PSMA4: variants seen among roughly 807,000 people sequenced by gnomAD.
PSMA4 encodes proteasome subunit alpha type-4.
Under a neutral mutation model 37.2 loss-of-function variants are expected in PSMA4, and 8 were observed. The observed-to-expected ratio is 0.22, with a 90% CI of 0.13 to 0.39. The LOEUF (loss-of-function observed/expected upper bound fraction) is 0.39, where lower values mean the gene tolerates loss of function less well. Among genes scored for constraint, PSMA4 ranks in the 10% least tolerant of loss-of-function variants. PSMA4 has a pLI of 1.00. For synonymous variants in PSMA4, 93 were observed against 98.8 expected (o/e 0.94, Z 0.35); for missense variants, 169 against 305.1 (o/e 0.55, Z 3.32).
intron 7 of PSMA4, 99 bp downstream of exon 7, chr15:78,545,863 C>T: frequency 7.8e-7 from 1 of 1,276,122 alleles, no homozygotes; most frequent in Non-Finnish European, 1.1e-6. Flanking sequence ...AAGATAGCTG[C>T]AACAACCTTA....
rs529544805 is a variant in PSMA4, at chr15:78,551,713, C to T, written c.*2769C>T. On this transcript the variant is annotated 3_prime_UTR_variant, in exon 9 of 9. Coordinates refer to ENST00000044462, the MANE Select transcript of PSMA4 (RefSeq NM_002789.6). Reference sequence around the variant, plus strand: ...GCACGTGTTAGGCAACAAATAAGTACTGATGAATGAATAAATACCCTGGAT... The same window carrying T: ...GCACGTGTTAGGCAACAAATAAGTATTGATGAATGAATAAATACCCTGGAT... The T allele has an allele frequency of 6.6e-6, 1 of 152,168 alleles. No individual in the cohort carries two copies. The highest frequency in any genetic ancestry group is 1.5e-5 in the Non-Finnish European group (1 of 68,026). 9.4% of individuals were successfully genotyped at this position (152,168 alleles called of 1,614,324 possible).
At chr15:78,546,536 G>C in intron 7 of PSMA4, 39 bp from the exon 8 acceptor site, 1 of 1,534,022 alleles carries the variant, frequency 6.5e-7, no homozygotes. Flanking sequence ...TCTAAAAAAT[G>C]TAAAAACTTA....
At chr15:78,543,475 T>G (rs1479654851) in intron 4 of PSMA4, among the ~76,000 whole-genome samples, 1 of 152,066 alleles carries the variant, frequency 6.6e-6, no homozygotes, top group Non-Finnish European at 1.5e-5. Context: ...TAAGCAGGCT[T>G]GTAAACCCTC....
rs548596539 is a variant in PSMA4 at position 78,542,013 on chromosome 15, T to C, written c.3+83T>C. ...AGTTTACAGACTTGAGTGGGAAAAT[T>C]GAAATAGAAGGAAAGCAGTGAGAAG... On this transcript the variant is annotated intron_variant, in intron 2 of 8. Coordinates refer to ENST00000044462, the MANE Select transcript of PSMA4 (RefSeq NM_002789.6). 34 of 1,523,564 alleles carry C rather than the reference T, an allele frequency of 2.2e-5. 1 individual carries two copies. The highest frequency in any genetic ancestry group is 1.8e-4 in the South Asian group (15 of 85,072). 94.4% of individuals were successfully genotyped at this position (1,523,564 alleles called of 1,614,324 possible).
chr15:78,551,325 C>T lies in PSMA4; in HGVS notation c.*2381C>T, dbSNP rs1271735423. 1 of 152,202 alleles carries T rather than the reference C, an allele frequency of 6.6e-6. No individual in the cohort carries two copies. Among genetic ancestry groups the T allele is most frequent in the African/African-American group, 2.4e-5 (1 of 41,416 alleles). 9.4% of individuals were successfully genotyped at this position (152,202 alleles called of 1,614,324 possible). A position where few individuals can be genotyped will look rare whatever the true frequency, so the allele number is the denominator to read the frequency against. Reference sequence around the variant, plus strand: ...TGTGCTACCTTCCATGTGCTTCCTTCCTCACTCATTCATCCAAATGAGCCT... The same window carrying T: ...TGTGCTACCTTCCATGTGCTTCCTTTCTCACTCATTCATCCAAATGAGCCT... On this transcript the variant is annotated 3_prime_UTR_variant, in exon 9 of 9. Transcript: ENST00000044462.
At chr15:78,548,722 T>C in intron 8 of PSMA4, 68 bp from the exon 9 acceptor site, 1 of 1,547,714 alleles carries the variant, frequency 6.5e-7, no homozygotes, top group Non-Finnish European at 8.7e-7. Context: ...CATGAGTGCC[T>C]ATTAAGCTTC....
In PSMA4 at chr15:78,546,639, C is replaced by T. The variant is rs765523469; in HGVS notation, c.572C>T (p.Ala191Val). 6 of 1,604,568 alleles carry T rather than the reference C, an allele frequency of 3.7e-6. No individual in the cohort carries two copies. In the South Asian group the frequency reaches 5.7e-5, roughly 15 times the overall value. Residue 191 changes from alanine to valine, a missense_variant, in exon 8 of 9, where the codon GCT (alanine) becomes GTT (valine). Physicochemically the swap from Ala to Val is moderately conservative, Grantham distance 64. This residue lies in a region of PSMA4 where 90 missense variants were observed against 92.7 expected (regional missense o/e 0.97). Coordinates refer to ENST00000044462, the MANE Select transcript of PSMA4 (RefSeq NM_002789.6). ...EGEMTLKSAL[A>V]LAIKVLNKTM... The stretch of plus-strand genomic sequence containing the variant: ...GAAATGACCTTGAAGTCAGCACTTG[C>T]TTTAGCTATCAAAGTACTAAATAAG...
At position 78,551,436 on chromosome 15, in the gene PSMA4, T is replaced by C. The variant is rs183866032; in HGVS notation, c.*2492T>C. On this transcript the variant is annotated 3_prime_UTR_variant, in exon 9 of 9. Transcript: ENST00000044462. ...GGGAATGCTCTTCCTGGGTATCTATTGCCCACTCCCTCATCTCCAGGTCTC... is the reference window on the plus strand; with the variant it reads ...GGGAATGCTCTTCCTGGGTATCTATCGCCCACTCCCTCATCTCCAGGTCTC... 1 of 152,088 alleles carries C rather than the reference T, an allele frequency of 6.6e-6. No homozygotes were observed. Among genetic ancestry groups the C allele is most frequent in the Admixed American group, 6.6e-5 (1 of 15,254 alleles). The allele number at this position is 152,088 out of a possible 1,614,324, so 9.4% of individuals were successfully genotyped here. A position where few individuals can be genotyped will look rare whatever the true frequency, so the allele number is the denominator to read the frequency against.
At chr15:78,541,987 C>A (rs2052461811) in intron 2 of PSMA4, 57 bp downstream of exon 2, 3 of 1,562,924 alleles carry the variant, frequency 1.9e-6, no homozygotes, top group Admixed American at 3.8e-5. Context: ...TGCTTGTACT[C>A]AGTTTACAGA....
chr15:78,543,723 C>G (rs1487454668), intron 4 of PSMA4: 1 of 155,996 alleles, frequency 6.4e-6, no homozygotes, highest in African/African-American at 2.4e-5. Flanking sequence ...TGCGCACCAC[C>G]ACACCCAGTT....
intron 8 of PSMA4, among the ~76,000 whole-genome samples, chr15:78,547,913 T>G (rs1307754239): frequency 6.6e-6 from 1 of 151,762 alleles, no homozygotes; most frequent in Admixed American, 6.6e-5. Context: ...TAGGACAGTT[T>G]AGCTCCTGGT....
Position 78,548,918 on chromosome 15 carries a change from A to G in PSMA4, c.760A>G (p.Lys254Glu). Residue 254 changes from lysine (K) to glutamate (E), a missense_variant, in exon 9 of 9, where the codon AAA becomes GAA. Coordinates refer to ENST00000044462, the MANE Select transcript of PSMA4 (RefSeq NM_002789.6). ...CAAAGCTGAGCGTGAGAAGAAAGAA[A>G]AAGAACAGAAAGAAAAGGATAAATA... ...EAKAEREKKE[K>E]EQKEKDK 6.2e-7 allele frequency: 1 copy of G among 1,608,784 alleles called. No homozygotes were observed. The highest frequency in any genetic ancestry group is 8.5e-7 in the Non-Finnish European group (1 of 1,178,624).
At chr15:78,543,890 T>C (rs1296004339) in intron 4 of PSMA4, 2 of 250,072 alleles carry the variant, frequency 8.0e-6, no homozygotes, top group African/African-American at 2.3e-5. Context: ...TCTTTGTTGC[T>C]GAATCTTCTT....
intron 1 of PSMA4, 74 bp from the exon 2 acceptor site, chr15:78,541,831 A>G: frequency 1.6e-6 from 2 of 1,262,540 alleles, no homozygotes; most frequent in Non-Finnish European, 1.1e-6. Flanking sequence ...TAAATAAAAC[A>G]GATTTGTAAA....
At chr15:78,544,054 G>T (rs2052504172) in intron 4 of PSMA4, 136 bp from the exon 5 acceptor site, 1 of 610,210 alleles carries the variant, frequency 1.6e-6, no homozygotes, top group Non-Finnish European at 2.8e-6. Flanking sequence ...AAACTTGTAG[G>T]TTTTTTCTGA....
At chr15:78,542,330 A>T in intron 3 of PSMA4, 111 bp downstream of exon 3, 1 of 1,399,864 alleles carries the variant, frequency 7.1e-7, no homozygotes, top group Non-Finnish European at 9.8e-7. Flanking sequence ...TCCTTTTTGT[A>T]CTTTGAAGCA....
At chr15:78,542,799 G>A (rs2052478308) in intron 4 of PSMA4, 154 bp downstream of exon 4, 2 of 673,854 alleles carry the variant, frequency 3.0e-6, no homozygotes, top group South Asian at 4.0e-5. Flanking sequence ...GGTACCATGT[G>A]TTACTCCTTT....
At position 78,544,985 on chromosome 15, in the gene PSMA4, C is replaced by A; in HGVS notation, c.376+28C>A. On this transcript the variant is annotated intron_variant, in intron 6 of 8. Coordinates refer to ENST00000044462, the MANE Select transcript of PSMA4 (RefSeq NM_002789.6). Reference sequence around the variant, plus strand: ...ATTTAATTTTTTTGAAAATTTTATTCGAAAAAGTTAAGACATTTTATGAGT... The same window carrying A: ...ATTTAATTTTTTTGAAAATTTTATTAGAAAAAGTTAAGACATTTTATGAGT... 5 of 1,511,694 alleles carry A rather than the reference C, an allele frequency of 3.3e-6. No individual in the cohort carries two copies. The African/African-American group carries it at 4.2e-5, about 13-fold the overall frequency. The allele number at this position is 1,511,694 out of a possible 1,614,324, so 93.6% of individuals were successfully genotyped here.
intron 2 of PSMA4, 32 bp from the exon 3 acceptor site, chr15:78,542,145 G>A: frequency 6.2e-7 from 1 of 1,606,860 alleles, no homozygotes; most frequent in Non-Finnish European, 8.5e-7. Flanking sequence ...CTTTCAGTGG[G>A]TAGGAATCAC....
Sources: allele counts gnomAD v4.1 joint callset (sites outside exome capture counted in the v4.1 genomes callset), GRCh38; gene constraint gnomAD v4.1.1; regional missense constraint gnomAD v4.1.1; transcripts MANE v1.5; gene names NCBI Gene and HGNC (gene_info 2026-07-23, HGNC 2026-07-21).